Variants in KIRREL3 observed in about 807,000 individuals in gnomAD.
The protein encoded by KIRREL3 is kirre like nephrin family adhesion molecule 3.
Under a neutral mutation model 89.7 loss-of-function variants are expected in KIRREL3, and 36 were observed. The observed-to-expected ratio is 0.40, with a 90% CI of 0.31 to 0.53. The LOEUF (loss-of-function observed/expected upper bound fraction) is 0.53, where lower values mean the gene tolerates loss of function less well. Among genes scored for constraint, KIRREL3 ranks in the 20% least tolerant of loss-of-function variants. KIRREL3 has a pLI of 0.49. For missense variants in KIRREL3, 864 were observed against 1,056.6 expected, an observed-to-expected ratio of 0.82 and a Z score of 2.53; for synonymous variants, 445 against 441.4, an observed-to-expected ratio of 1.01 and a Z score of -0.10.
intron 5 of KIRREL3, among the ~76,000 whole-genome samples, chr11:126,466,898 A>G (rs1468736469): frequency 1.3e-5 from 2 of 152,156 alleles, no homozygotes; most frequent in Non-Finnish European, 2.9e-5. Context: ...TCACTGTGGG[A>G]GCCACCGCCT....
chr11:126,565,585 G>T lies in KIRREL3; in HGVS notation c.56-2673C>A, dbSNP rs1940458574. Among the ~76,000 whole-genome samples, 1 of 152,218 alleles carries T rather than the reference G, an allele frequency of 6.6e-6. No individual in the cohort carries two copies. Among genetic ancestry groups the T allele is most frequent in the African/African-American group, 2.4e-5 (1 of 41,454 alleles). On this transcript the variant is annotated intron_variant, in intron 1 of 16. Coordinates refer to ENST00000525144, the MANE Select transcript of KIRREL3 (RefSeq NM_032531.4). This position sits in a 1 kb window ranked among gnomAD's most constrained non-coding sequence, Gnocchi z 5.4. Reference sequence around the variant, plus strand: ...TCTCTGACTGAGACTTTGTAGAGAAGTGGGGAGAAGCTACTGGGATCTTTG... The same window carrying T: ...TCTCTGACTGAGACTTTGTAGAGAATTGGGGAGAAGCTACTGGGATCTTTG...
intron 1 of KIRREL3, among the ~76,000 whole-genome samples, chr11:126,648,945 G>A (rs982264090): frequency 2.0e-5 from 3 of 152,296 alleles, no homozygotes; most frequent in Admixed American, 2.0e-4. Context: ...AGACATACTC[G>A]AGAATGGGAA....
chr11:126,461,780 C>T (rs1420467068), intron 6 of KIRREL3, among the ~76,000 whole-genome samples: 1 of 152,124 alleles, frequency 6.6e-6, no homozygotes, highest in Non-Finnish European at 1.5e-5. Context: ...CCTGGAGAGA[C>T]ACTCGGAGCC....
chr11:126,897,169 CA>C lies in KIRREL3; in HGVS notation c.55+103285del, dbSNP rs1946199184. Among the ~76,000 whole-genome samples the C allele has an allele frequency of 6.6e-6, 1 of 152,120 alleles. No individual in the cohort carries two copies. The highest frequency in any genetic ancestry group is 1.5e-5 in the Non-Finnish European group (1 of 68,026). ...TTCTGGTCACCCTGGGTCAGAGGAG[CA>C]CAGGTGGTCCCATGGGGAAGGGCAG... On this transcript the variant is annotated intron_variant, in intron 1 of 16. Coordinates refer to ENST00000525144, the MANE Select transcript of KIRREL3 (RefSeq NM_032531.4). This position sits in a 1 kb window ranked among gnomAD's most constrained non-coding sequence, Gnocchi z 4.2.
Position 126,526,749 on chromosome 11 carries a change from C to A in KIRREL3, c.134-62G>T. The A allele has an allele frequency of 6.6e-7, 1 of 1,510,108 alleles. No individual in the cohort carries two copies. The highest frequency in any genetic ancestry group is 1.2e-5 in the South Asian group (1 of 80,812). The allele number at this position is 1,510,108 out of a possible 1,614,324, so 93.5% of individuals were successfully genotyped here. A position where few individuals can be genotyped will look rare whatever the true frequency, so the allele number is the denominator to read the frequency against. Reference sequence around the variant, plus strand: ...CGGCTACAGGGGCGAGAAGGCTCCCCTCCAGCTATGGAAGCAGAGCAGGGC... The same window carrying A: ...CGGCTACAGGGGCGAGAAGGCTCCCATCCAGCTATGGAAGCAGAGCAGGGC... On this transcript the variant is annotated intron_variant, in intron 2 of 16. Coordinates refer to ENST00000525144, the MANE Select transcript of KIRREL3 (RefSeq NM_032531.4). This position sits in a 1 kb window ranked among gnomAD's most constrained non-coding sequence, Gnocchi z 5.7.
intron 1 of KIRREL3, among the ~76,000 whole-genome samples, chr11:126,809,791 G>A (rs1951321066): frequency 6.6e-6 from 1 of 152,078 alleles, no homozygotes. Flanking sequence ...AGTTAAGGTG[G>A]GATTACAGAC....
chr11:126,755,677 TC>T lies in KIRREL3; in HGVS notation c.56-192766del, dbSNP rs1949470192. On this transcript the variant is annotated intron_variant, in intron 1 of 16. Coordinates refer to ENST00000525144, the MANE Select transcript of KIRREL3 (RefSeq NM_032531.4). This position sits in a 1 kb window ranked among gnomAD's most constrained non-coding sequence, Gnocchi z 4.3. ...CCCAATTCTTGTTGCCAGAGAGCCC[TC>T]CCCTGGCAGCAATCTAATTCCAGCT... Among the ~76,000 whole-genome samples, 1 of 152,088 alleles carries T rather than the reference TC, an allele frequency of 6.6e-6. No individual in the cohort carries two copies. Among genetic ancestry groups the T allele is most frequent in the South Asian group, 2.1e-4 (1 of 4,818 alleles).
rs913020005 is a variant in KIRREL3, at chr11:126,441,491, G to A, written c.1253-942C>T. Reference sequence around the variant, plus strand: ...TAGCCTGGGCTCTGCTGGCTTCCTGGCTGGGCTGGGTGGTTGAAGGATGGG... The same window carrying A: ...TAGCCTGGGCTCTGCTGGCTTCCTGACTGGGCTGGGTGGTTGAAGGATGGG... On this transcript the variant is annotated intron_variant, in intron 10 of 16. Transcript: ENST00000525144. The surrounding 1 kb of genome is among the most constrained non-coding windows in gnomAD (Gnocchi z 5.0). Among the ~76,000 whole-genome samples, 3 of 152,212 alleles carry A rather than the reference G, an allele frequency of 2.0e-5. No homozygotes were observed. Among genetic ancestry groups the A allele is most frequent in the African/African-American group, 4.8e-5 (2 of 41,450 alleles).
intron 4 of KIRREL3, among the ~76,000 whole-genome samples, chr11:126,504,917 CAAT>C (rs977476276): frequency 1.3e-5 from 2 of 152,178 alleles, no homozygotes; most frequent in African/African-American, 4.8e-5. Context: ...ATTATCATCT[CAAT>C]AGATGCAGAA....
chr11:126,975,889 TCCC>T, intron 1 of KIRREL3, among the ~76,000 whole-genome samples: 1 of 80,738 alleles, frequency 1.2e-5, no homozygotes, highest in Admixed American at 1.3e-4. Flanking sequence ...TTCTTTTCCC[TCCC>T]TCCCTCCCTC....
chr11:126,567,093 A>G (rs605258), intron 1 of KIRREL3, among the ~76,000 whole-genome samples: 11,048 of 152,282 alleles, frequency 0.073, 518 homozygotes, highest in Admixed American at 0.15. Context: ...GGACAGTGCT[A>G]TAGGTCGAAT....
At chr11:126,928,737 T>C (rs1426168719) in intron 1 of KIRREL3, among the ~76,000 whole-genome samples, 1 of 152,196 alleles carries the variant, frequency 6.6e-6, no homozygotes, top group African/African-American at 2.4e-5. Flanking sequence ...GAGTTTTATT[T>C]TTTTTCTTTT....
At chr11:126,445,590 C>G (rs1426545794) in intron 9 of KIRREL3, among the ~76,000 whole-genome samples, 1 of 152,236 alleles carries the variant, frequency 6.6e-6, no homozygotes, top group Non-Finnish European at 1.5e-5. Context: ...TGAAAACAGG[C>G]TCTGGCATGA....
At chr11:126,894,031 G>A (rs1248263273) in intron 1 of KIRREL3, among the ~76,000 whole-genome samples, 2 of 152,180 alleles carry the variant, frequency 1.3e-5, no homozygotes, top group African/African-American at 2.4e-5. Flanking sequence ...GCTTCAGCAG[G>A]CTCTCCCCCA....
In KIRREL3 at chr11:126,687,356, A is replaced by G. The variant is rs539311969; in HGVS notation, c.56-124444T>C. Among the ~76,000 whole-genome samples the G allele has an allele frequency of 6.4e-4, 97 of 152,220 alleles. No homozygotes were observed. Among genetic ancestry groups the G allele is most frequent in the Middle Eastern group, 3.4e-3 (1 of 294 alleles). ...ATCAACGCATACCTCCCAACATAAC[A>G]TCCCCAAATTTACCTAGCCCAGAGT... is the stretch of plus-strand genomic sequence containing the variant. On this transcript the variant is annotated intron_variant, in intron 1 of 16. Transcript: ENST00000525144. This position sits in a 1 kb window ranked among gnomAD's most constrained non-coding sequence, Gnocchi z 4.6.
At position 126,686,786 on chromosome 11, in the gene KIRREL3, C is replaced by T. The variant is rs187055248; in HGVS notation, c.56-123874G>A. 3.4e-3 allele frequency among the ~76,000 whole-genome samples: 518 copies of T among 152,244 alleles called. 3 individuals are homozygous for T. Among genetic ancestry groups the T allele is most frequent in the African/African-American group, 0.012 (497 of 41,530 alleles). On this transcript the variant is annotated intron_variant, in intron 1 of 16. Coordinates refer to ENST00000525144, the MANE Select transcript of KIRREL3 (RefSeq NM_032531.4). This position sits in a 1 kb window ranked among gnomAD's most constrained non-coding sequence, Gnocchi z 4.7. ...GTAGAGATGGGGCTTCGCATGTTGG[C>T]CAGGCTGGTCTCGAACTCCTGACCT...
At chr11:126,539,034 TA>T (rs1938147621) in intron 2 of KIRREL3, among the ~76,000 whole-genome samples, 1 of 152,160 alleles carries the variant, frequency 6.6e-6, no homozygotes, top group Non-Finnish European at 1.5e-5. Context: ...GTTCATGGAA[TA>T]AAAGCAGCAG....
chr11:126,851,852 G>A (rs1944347445), intron 1 of KIRREL3, among the ~76,000 whole-genome samples: 4 of 152,130 alleles, frequency 2.6e-5, no homozygotes, highest in Admixed American at 2.6e-4. Flanking sequence ...TACATGGGCA[G>A]ATGGAGCATA....
At chr11:126,853,998 G>C (rs4494313) in intron 1 of KIRREL3, among the ~76,000 whole-genome samples, 131,889 of 152,070 alleles carry the variant, frequency 0.87, 57,583 homozygotes, top group East Asian at 1. Context: ...TCATCTCATG[G>C]GAGTCTCCTC....
Sources: gnomAD v4.1 joint callset for allele counts (sites outside exome capture counted in the v4.1 genomes callset) on GRCh38, gnomAD v4.1.1 for gene constraint, Gnocchi (gnomAD v3.1) non-coding constraint, MANE v1.5 for transcripts, NCBI Gene and HGNC (gene_info 2026-07-23, HGNC 2026-07-21) for gene names.